The following ANXA8 variants were observed in gnomAD, a reference collection of about 807,000 sequenced individuals.
ANXA8 encodes annexin A8, also known as VAC-beta.
In ANXA8, 9 loss-of-function variants were observed where a neutral mutation model predicts 26.8. The observed-to-expected ratio is 0.34, with a 90% CI of 0.20 to 0.59. ANXA8 has a LOEUF of 0.59. Ranked by LOEUF, ANXA8 falls within the 20% of genes least tolerant of loss-of-function variation. The pLI, the probability that ANXA8 is intolerant of heterozygous loss-of-function variation, is 0.84. For missense variants in ANXA8, 83 were observed against 238.5 expected (o/e 0.35, Z 4.29); for synonymous variants, 39 against 94.8 (o/e 0.41, Z 3.42).
At chr10:47,970,318 C>G in the ANXA8 span, 7 of 151,274 alleles carry the variant, frequency 4.6e-5, no homozygotes, top group African/African-American at 1.5e-4. Context: ...ACTGGAGACT[C>G]CAGAATCAGG....
At chr10:47,554,146 T>A in the ANXA8 span, among the ~76,000 whole-genome samples, 4 of 135,992 alleles carry the variant, frequency 2.9e-5, no homozygotes, top group East Asian at 9.2e-4. Context: ...AATAAATAAA[T>A]AAAAATAAAG....
the ANXA8 span, among the ~76,000 whole-genome samples, chr10:47,623,385 C>T: frequency 8.9e-6 from 1 of 112,334 alleles, no homozygotes; most frequent in Non-Finnish European, 1.9e-5. Context: ...AATATATCAT[C>T]ACTTCTGCCA....
upstream of ANXA8, chr10:47,484,831 GCTT>G (rs1245578547): frequency 2.1e-6 from 1 of 476,796 alleles, no homozygotes; most frequent in Non-Finnish European, 3.7e-6. Flanking sequence ...CTTCTCTGTA[GCTT>G]CTCTGAACCC....
At chr10:47,693,074 G>A in the ANXA8 span, among the ~76,000 whole-genome samples, 1 of 151,714 alleles carries the variant, frequency 6.6e-6, no homozygotes, top group Non-Finnish European at 1.5e-5. Context: ...ATTGTGTTAC[G>A]TGTTCTTTGT....
chr10:47,946,149 A>G, the ANXA8 span, among the ~76,000 whole-genome samples: 1 of 148,932 alleles, frequency 6.7e-6, no homozygotes, highest in Admixed American at 6.6e-5. Context: ...TGCTCACTTT[A>G]TGGAAAGCTT....
At chr10:47,607,417 C>T in the ANXA8 span, among the ~76,000 whole-genome samples, 2 of 149,960 alleles carry the variant, frequency 1.3e-5, no homozygotes, top group Non-Finnish European at 2.9e-5. Flanking sequence ...CCTTCATTCA[C>T]TCGAATCTAC....
chr10:47,658,840 T>TTTA, the ANXA8 span, among the ~76,000 whole-genome samples: 131 of 133,796 alleles, frequency 9.8e-4, no homozygotes, highest in Middle Eastern at 0.011. Context: ...GAGGTTTTTA[T>TTTA]TTATTTATTA....
chr10:47,478,189 G>C (rs1390158280), intron 3 of ANXA8: 2 of 450,572 alleles, frequency 4.4e-6, no homozygotes, highest in Admixed American at 6.8e-5. Flanking sequence ...GGCTCAGAGG[G>C]CAGGGCGAGA....
chr10:47,733,229 T>TTTCTCTCTC, the ANXA8 span, among the ~76,000 whole-genome samples: 4 of 67,864 alleles, frequency 5.9e-5, no homozygotes, highest in African/African-American at 2.3e-4. Context: ...TTCTCTTTCT[T>TTTCTCTCTC]TCTCTCTTTC....
chr10:47,630,987 T>TA, the ANXA8 span, among the ~76,000 whole-genome samples: 1 of 150,050 alleles, frequency 6.7e-6, no homozygotes, highest in East Asian at 1.9e-4. Flanking sequence ...ATATTGACTT[T>TA]AAAAGCCTTC....
chr10:47,603,645 G>T, the ANXA8 span, among the ~76,000 whole-genome samples: 7 of 148,784 alleles, frequency 4.7e-5, no homozygotes, highest in Admixed American at 4.6e-4. Context: ...CCAAGTAGCT[G>T]GGACTACAGG....
At chr10:47,650,219 AAAAG>A in the ANXA8 span, among the ~76,000 whole-genome samples, 3 of 148,238 alleles carry the variant, frequency 2.0e-5, no homozygotes, top group East Asian at 2.1e-4. Context: ...AAAAAAAAAA[AAAAG>A]AAAGAAAGAA....
the ANXA8 span, among the ~76,000 whole-genome samples, chr10:47,560,051 G>A: frequency 1.3e-5 from 2 of 150,576 alleles, no homozygotes; most frequent in Non-Finnish European, 2.9e-5. Context: ...CATGTCTCTT[G>A]TTATACACAC....
the ANXA8 span, among the ~76,000 whole-genome samples, chr10:47,637,481 A>T: frequency 6.7e-6 from 1 of 148,742 alleles, no homozygotes; most frequent in Non-Finnish European, 1.5e-5. Context: ...CTTACACAGA[A>T]AATCTGTCTG....
the ANXA8 span, among the ~76,000 whole-genome samples, chr10:47,740,347 T>C: frequency 1.4e-5 from 2 of 147,652 alleles, no homozygotes; most frequent in Non-Finnish European, 1.5e-5. Context: ...ATCCTTTTTC[T>C]TGGAATTTAA....
the ANXA8 span, among the ~76,000 whole-genome samples, chr10:47,952,102 C>T: frequency 8.6e-5 from 13 of 150,846 alleles, no homozygotes; most frequent in Non-Finnish European, 1.3e-4. Flanking sequence ...TCTTAAAACA[C>T]TGGCGTAGAA....
At chr10:47,531,894 T>G in the ANXA8 span, among the ~76,000 whole-genome samples, 2 of 121,154 alleles carry the variant, frequency 1.7e-5, no homozygotes, top group African/African-American at 4.1e-5. Flanking sequence ...GCTTGCAGTC[T>G]GGGGCTGCCT....
At chr10:47,980,969 T>C in the ANXA8 span, among the ~76,000 whole-genome samples, 1 of 151,192 alleles carries the variant, frequency 6.6e-6, no homozygotes, top group Non-Finnish European at 1.5e-5. Flanking sequence ...TTCTATGATG[T>C]CATTATTCTC....
the ANXA8 span, among the ~76,000 whole-genome samples, chr10:47,980,844 CA>C: frequency 6.6e-6 from 1 of 150,756 alleles, no homozygotes; most frequent in East Asian, 1.9e-4. Flanking sequence ...TCACCATGCA[CA>C]AAAAAGCTCA....
Sources: gnomAD v4.1 joint callset for allele counts (sites outside exome capture counted in the v4.1 genomes callset) on GRCh38, gnomAD v4.1.1 for gene constraint, MANE v1.5 for transcripts, NCBI Gene and HGNC (gene_info 2026-07-23, HGNC 2026-07-21) for gene names.